CGNL1: variants seen among roughly 807,000 people sequenced by gnomAD.
CGNL1 encodes cingulin like 1.
Under a neutral mutation model 141.2 loss-of-function variants are expected in CGNL1, and 132 were observed. The ratio of observed to expected loss-of-function variants is 0.93; its 90% CI spans 0.81 to 1.08. The LOEUF (loss-of-function observed/expected upper bound fraction) is 1.08. Among genes scored for constraint, CGNL1 ranks in the 50% least tolerant of loss-of-function variants. The pLI is 0.00. For missense variants in CGNL1, 1,870 were observed against 1,588.6 expected (o/e 1.18, Z -3.01); for synonymous variants, 690 against 622.1 (o/e 1.11, Z -1.63).
chr15:57,547,199 G>C (rs567378466), intron 18 of CGNL1, among the ~76,000 whole-genome samples, 156 bp from the exon 19 acceptor site: 2 of 152,332 alleles, frequency 1.3e-5, no homozygotes, highest in East Asian at 3.9e-4. Flanking sequence ...TGTGGCTGAA[G>C]GGGCCATCAG....
intron 8 of CGNL1, among the ~76,000 whole-genome samples, chr15:57,498,487 G>A (rs1396763102): frequency 4.6e-5 from 7 of 152,116 alleles, no homozygotes; most frequent in African/African-American, 1.4e-4. Flanking sequence ...TTACAGGTAT[G>A]AGCCCCTGTG....
intron 1 of CGNL1, among the ~76,000 whole-genome samples, chr15:57,385,065 C>T (rs987791728): frequency 6.6e-6 from 1 of 152,190 alleles, no homozygotes; most frequent in African/African-American, 2.4e-5. Context: ...AGCTTGCAGA[C>T]TACTGAGTGA....
intron 12 of CGNL1, 130 bp downstream of exon 12, chr15:57,524,881 C>G (rs376714742): frequency 1.1e-6 from 1 of 915,732 alleles, no homozygotes; most frequent in East Asian, 2.7e-5. Flanking sequence ...CATTCTTCAC[C>G]TTCTGGATGG....
chr15:57,543,668 C>T, intron 14 of CGNL1, 28 bp from the exon 15 acceptor site: 2 of 1,582,232 alleles, frequency 1.3e-6, no homozygotes, highest in Non-Finnish European at 1.7e-6. Flanking sequence ...TCCTTCTAAC[C>T]TCTGGGCTTT....
intron 16 of CGNL1, 119 bp from the exon 17 acceptor site, chr15:57,545,473 C>T: frequency 1.3e-6 from 1 of 778,192 alleles, no homozygotes; most frequent in Non-Finnish European, 2.1e-6. Flanking sequence ...TTTCCCTGAC[C>T]CTAAGCCTTG....
At chr15:57,525,328 G>A (rs1257416239) in intron 12 of CGNL1, among the ~76,000 whole-genome samples, 2 of 152,180 alleles carry the variant, frequency 1.3e-5, no homozygotes, top group African/African-American at 4.8e-5. Flanking sequence ...GGCCTCTCAA[G>A]AACTGAGAAA....
chr15:57,405,979 ACC>A (rs11287148), intron 1 of CGNL1: 1 of 151,628 alleles, frequency 6.6e-6, no homozygotes, highest in Non-Finnish European at 1.5e-5. Flanking sequence ...TTTACCAAGT[ACC>A]CCCTGTGGGT....
At chr15:57,434,929 A>G (rs571754846) in intron 1 of CGNL1, among the ~76,000 whole-genome samples, 26 of 152,278 alleles carry the variant, frequency 1.7e-4, no homozygotes, top group African/African-American at 5.8e-4. Context: ...AGAGGAAGAC[A>G]TGAAACCCAG....
At chr15:57,426,366 A>C (rs191425898) in intron 1 of CGNL1, among the ~76,000 whole-genome samples, 7 of 151,828 alleles carry the variant, frequency 4.6e-5, no homozygotes, top group Middle Eastern at 3.4e-3. Context: ...GCTGGTCTTG[A>C]ACTCCTGACC....
chr15:57,502,375 C>T (rs1452798812), intron 8 of CGNL1, among the ~76,000 whole-genome samples: 4 of 152,074 alleles, frequency 2.6e-5, no homozygotes, highest in Non-Finnish European at 4.4e-5. Flanking sequence ...TTCCAGCTCC[C>T]GGGGCAGAGG....
intron 1 of CGNL1, among the ~76,000 whole-genome samples, chr15:57,380,854 G>A (rs866832552): frequency 3.3e-5 from 5 of 152,204 alleles, no homozygotes; most frequent in East Asian, 1.9e-4. Context: ...GGCTACCTCC[G>A]CAACAGAGCT....
At chr15:57,412,263 C>G (rs2062797607) in intron 1 of CGNL1, among the ~76,000 whole-genome samples, 1 of 152,244 alleles carries the variant, frequency 6.6e-6, no homozygotes, top group Admixed American at 6.5e-5. Flanking sequence ...TAGACAGAGG[C>G]AGCTTCACTC....
At chr15:57,525,955 A>G (rs2031585937) in intron 12 of CGNL1, among the ~76,000 whole-genome samples, 1 of 152,118 alleles carries the variant, frequency 6.6e-6, no homozygotes, top group African/African-American at 2.4e-5. Flanking sequence ...CTGCCAGAAC[A>G]CCAACAAGCA....
chr15:57,444,537 A>T (rs1396471793), intron 4 of CGNL1, among the ~76,000 whole-genome samples: 3 of 152,170 alleles, frequency 2.0e-5, no homozygotes, highest in African/African-American at 7.2e-5. Context: ...TTTGGCCTTG[A>T]TGTTGAGATT....
Position 57,453,764 on chromosome 15 carries a change from T to A in CGNL1, c.2136T>A (p.Asp712Glu). 6.2e-7 allele frequency: 1 copy of A among 1,613,920 alleles called. No individual in the cohort carries two copies. The highest frequency in any genetic ancestry group is 8.5e-7 in the Non-Finnish European group (1 of 1,179,950). ...DLQDQLSEMH[D>E]ELDSAKRSED... ...AGGACCAGCTCTCAGAAATGCACGA[T>A]GAACTGGACAGTGCAAAGCGATCGG... is the stretch of plus-strand genomic sequence containing the variant. The change falls in exon 7 of 19, where the codon GAT (aspartate) becomes GAA (glutamate). Residue 712 changes from aspartate (D) to glutamate (E), a missense_variant. Transcript: ENST00000281282.
At chr15:57,399,828 G>A (rs553370380) in intron 1 of CGNL1, among the ~76,000 whole-genome samples, 160 of 152,076 alleles carry the variant, frequency 1.1e-3, no homozygotes, top group African/African-American at 3.7e-3. Flanking sequence ...ACCAGCCTGG[G>A]CAACATGGTG....
chr15:57,439,505 T>C lies in CGNL1; in HGVS notation c.1506T>C (p.Ala502=). 6.2e-7 allele frequency: 1 copy of C among 1,614,240 alleles called. No individual in the cohort carries two copies. Among genetic ancestry groups the C allele is most frequent in the Non-Finnish European group, 8.5e-7 (1 of 1,180,034 alleles). Residue 502 remains alanine (A), a synonymous_variant, in exon 2 of 19, where the codon GCT becomes GCC. Transcript: ENST00000281282. Reference sequence around the variant, plus strand: ...AGGAGGAGGTGAAAACAGCCACCGCTACGCTGATGTTACAGAACCGGGCAA... The same window carrying C: ...AGGAGGAGGTGAAAACAGCCACCGCCACGCTGATGTTACAGAACCGGGCAA... ...KKEEEVKTAT[A]TLMLQNRATA...
intron 8 of CGNL1, among the ~76,000 whole-genome samples, chr15:57,490,018 C>A (rs1328687430): frequency 6.6e-6 from 1 of 152,168 alleles, no homozygotes; most frequent in Non-Finnish European, 1.5e-5. Flanking sequence ...TGCAGCCTTA[C>A]TGATGGTAAC....
intron 1 of CGNL1, among the ~76,000 whole-genome samples, chr15:57,435,124 A>T (rs2063089892): frequency 6.6e-6 from 1 of 152,194 alleles, no homozygotes; most frequent in African/African-American, 2.4e-5. Flanking sequence ...TATAGAAAAG[A>T]CAAGTAAAAC....
Sources: allele counts gnomAD v4.1 joint callset (sites outside exome capture counted in the v4.1 genomes callset), GRCh38; gene constraint gnomAD v4.1.1; transcripts MANE v1.5; gene names NCBI Gene and HGNC (gene_info 2026-07-23, HGNC 2026-07-21).